TBC1D22A: variants seen among roughly 807,000 people sequenced by gnomAD.
The protein encoded by TBC1D22A is TBC1 domain family member 22A.
Under a neutral mutation model 60.2 loss-of-function variants are expected in TBC1D22A, and 38 were observed. The ratio of observed to expected loss-of-function variants is 0.63; its 90% confidence interval spans 0.49 to 0.83. TBC1D22A has a LOEUF of 0.83. Ranked by LOEUF, TBC1D22A falls within the 40% of genes least tolerant of loss-of-function variation. TBC1D22A has a pLI of 0.00. For synonymous variants in TBC1D22A, 302 were observed against 281.7 expected, an observed-to-expected ratio of 1.07 and a Z score of -0.72; for missense variants, 628 against 701.0, an observed-to-expected ratio of 0.90 and a Z score of 1.18.
At chr22:46,947,502 T>C (rs1299627454) in intron 8 of TBC1D22A, among the ~76,000 whole-genome samples, 1 of 152,170 alleles carries the variant, frequency 6.6e-6, no homozygotes, top group African/African-American at 2.4e-5. Context: ...CTGAACCTGC[T>C]GGTGGGACAG....
In TBC1D22A at chr22:47,123,114, G is replaced by C. The variant is rs191431606; in HGVS notation, c.1425+11511G>C. ...CTCCAGGAGGCTGAGGGGTGTTCCC[G>C]TGAGGTTCCGTCTGCCAAGACTTTG... is the stretch of plus-strand genomic sequence containing the variant. On this transcript the variant is annotated intron_variant, in intron 12 of 12. Transcript: ENST00000337137. Among the ~76,000 whole-genome samples the C allele has an allele frequency of 3.0e-3, 459 of 152,300 alleles. 4 individuals carry two copies. Among genetic ancestry groups the C allele is most frequent in the African/African-American group, 0.01 (429 of 41,560 alleles).
At chr22:46,807,796 G>A (rs910745040) in intron 4 of TBC1D22A, among the ~76,000 whole-genome samples, 3 of 152,104 alleles carry the variant, frequency 2.0e-5, no homozygotes, top group African/African-American at 7.2e-5. Context: ...GACATGAAGA[G>A]TTCGGTTTTA....
rs1011813007 is a variant in TBC1D22A at position 47,124,135 on chromosome 22, G to T, written c.1425+12532G>T. ...GGCAGAGAGAGAAGGGGACTCTTGG[G>T]TCAGCGGGGGAGGGCACGCCTGAGC... is the stretch of plus-strand genomic sequence containing the variant. On this transcript the variant is annotated intron_variant, in intron 12 of 12. Transcript: ENST00000337137. Among the ~76,000 whole-genome samples the T allele has an allele frequency of 5.3e-5, 8 of 152,320 alleles. 1 individual carries two copies. The South Asian group carries it at 8.3e-4, about 16-fold the overall frequency.
intron 9 of TBC1D22A, among the ~76,000 whole-genome samples, chr22:46,978,276 G>A (rs148004284): frequency 6.6e-6 from 1 of 152,212 alleles, no homozygotes; most frequent in African/African-American, 2.4e-5. Flanking sequence ...TGTTTGTGTG[G>A]GTTAATTCTC....
chr22:46,818,373 T>C (rs1485241807), intron 4 of TBC1D22A, among the ~76,000 whole-genome samples: 1 of 152,232 alleles, frequency 6.6e-6, no homozygotes, highest in African/African-American at 2.4e-5. Flanking sequence ...AGGGTTTTTA[T>C]GGTTTTGGGT....
intron 10 of TBC1D22A, among the ~76,000 whole-genome samples, chr22:47,004,686 C>G (rs1200426457): frequency 6.8e-6 from 1 of 146,904 alleles, no homozygotes; most frequent in African/African-American, 2.7e-5. Context: ...ACACACATGC[C>G]TATATACACA....
chr22:47,119,743 C>T (rs2066205291), intron 12 of TBC1D22A, among the ~76,000 whole-genome samples: 2 of 152,198 alleles, frequency 1.3e-5, no homozygotes, highest in Admixed American at 1.3e-4. Flanking sequence ...AATCCGCCCG[C>T]CTCAGCCTCC....
chr22:46,907,178 T>C (rs975721411), intron 7 of TBC1D22A, among the ~76,000 whole-genome samples: 2 of 152,208 alleles, frequency 1.3e-5, no homozygotes, highest in African/African-American at 4.8e-5. Context: ...GCACACATGC[T>C]CTTTTCTCTG....
At chr22:46,978,758 G>A (rs1205674372) in intron 9 of TBC1D22A, among the ~76,000 whole-genome samples, 2 of 152,058 alleles carry the variant, frequency 1.3e-5, no homozygotes, top group Non-Finnish European at 2.9e-5. Flanking sequence ...ACAGGCACAC[G>A]CCACCATGCC....
At chr22:47,076,378 TATACACACACAC>T (rs1354099833) in intron 11 of TBC1D22A, among the ~76,000 whole-genome samples, 21 of 106,744 alleles carry the variant, frequency 2.0e-4, no homozygotes, top group African/African-American at 8.5e-4. Context: ...TATATATATA[TATACACACACAC>T]ACACACACAC....
At chr22:47,033,352 C>A (rs2062547628) in intron 10 of TBC1D22A, among the ~76,000 whole-genome samples, 1 of 152,224 alleles carries the variant, frequency 6.6e-6, no homozygotes, top group East Asian at 1.9e-4. Context: ...CTGGAAAACT[C>A]CTCGCTATTG....
chr22:46,941,067 A>G (rs1480888218), intron 8 of TBC1D22A, among the ~76,000 whole-genome samples: 5 of 147,300 alleles, frequency 3.4e-5, no homozygotes, highest in Non-Finnish European at 7.5e-5. Flanking sequence ...ATGTATATAC[A>G]TAGTCCACCC....
chr22:46,800,055 T>G (rs549413049), intron 4 of TBC1D22A, among the ~76,000 whole-genome samples: 1 of 152,180 alleles, frequency 6.6e-6, no homozygotes, highest in Non-Finnish European at 1.5e-5. Flanking sequence ...TTTAAGGGAA[T>G]GATACATTTT....
intron 11 of TBC1D22A, among the ~76,000 whole-genome samples, chr22:47,085,029 C>T (rs1042299369): frequency 2.0e-5 from 3 of 152,204 alleles, no homozygotes; most frequent in South Asian, 2.1e-4. Flanking sequence ...CCTGTAATCC[C>T]AGCACTTTGG....
At chr22:46,940,823 AATAT>A (rs56781447) in intron 8 of TBC1D22A, among the ~76,000 whole-genome samples, 10,689 of 90,948 alleles carry the variant, frequency 0.12, 987 homozygotes, top group African/African-American at 0.18. Context: ...GGGGCACTAG[AATAT>A]ATATATATAT....
At chr22:47,013,849 C>T (rs549957305) in intron 10 of TBC1D22A, among the ~76,000 whole-genome samples, 1 of 152,190 alleles carries the variant, frequency 6.6e-6, no homozygotes, top group Non-Finnish European at 1.5e-5. Flanking sequence ...GGGACATTCC[C>T]ACTCTTCTCA....
intron 4 of TBC1D22A, among the ~76,000 whole-genome samples, chr22:46,870,921 T>G (rs965829991): frequency 6.6e-6 from 1 of 152,142 alleles, no homozygotes. Context: ...GGATTAACTT[T>G]CCAACACATG....
chr22:46,786,071 C>T (rs2084147734), intron 1 of TBC1D22A, among the ~76,000 whole-genome samples: 1 of 152,216 alleles, frequency 6.6e-6, no homozygotes, highest in South Asian at 2.1e-4. Context: ...CATGAGCCAC[C>T]TCTCATCCTT....
chr22:46,976,855 C>T (rs2074318386), intron 9 of TBC1D22A, among the ~76,000 whole-genome samples: 1 of 152,200 alleles, frequency 6.6e-6, no homozygotes, highest in Non-Finnish European at 1.5e-5. Flanking sequence ...GCTGCAGAGG[C>T]TTTATTGGAG....
Sources: gnomAD v4.1 joint callset for allele counts (sites outside exome capture counted in the v4.1 genomes callset) on GRCh38, gnomAD v4.1.1 for gene constraint, MANE v1.5 for transcripts, NCBI Gene and HGNC (gene_info 2026-07-23, HGNC 2026-07-21) for gene names.